The following TNFRSF8 variants were observed in gnomAD, a reference collection of about 807,000 sequenced individuals.
TNFRSF8 encodes TNF receptor superfamily member 8.
TNFRSF8 carries 26 observed loss-of-function variants against 70.8 expected under a neutral mutation model. The observed-to-expected ratio is 0.37, with a 90% CI of 0.27 to 0.51. TNFRSF8 has a LOEUF of 0.51. TNFRSF8 is among the 20% of genes least tolerant of loss of function. TNFRSF8 has a pLI of 0.94. For missense variants in TNFRSF8, 720 were observed against 807.9 expected, an observed-to-expected ratio of 0.89 and a Z score of 1.32; for synonymous variants, 356 against 339.2, an observed-to-expected ratio of 1.05 and a Z score of -0.54.
At position 12,068,468 on chromosome 1, in the gene TNFRSF8, G is replaced by T. The variant is rs1029284862; in HGVS notation, c.63+4807G>T. 2.0e-5 allele frequency among the ~76,000 whole-genome samples: 3 copies of T among 152,054 alleles called. No individual in the cohort carries two copies. In the East Asian group the frequency reaches 5.8e-4, roughly 29 times the overall value. ...AGAATGTCAAAAAAAGGCAGCTCTC[G>T]GCCATACCAGTTCTCCACTTCTCTC... is the stretch of plus-strand genomic sequence containing the variant. On this transcript the variant is annotated intron_variant, in intron 1 of 14. Coordinates refer to ENST00000263932, the MANE Select transcript of TNFRSF8 (RefSeq NM_001243.5).
At chr1:12,066,964 T>C (rs1275365952) in intron 1 of TNFRSF8, among the ~76,000 whole-genome samples, 3 of 152,154 alleles carry the variant, frequency 2.0e-5, no homozygotes, top group Non-Finnish European at 4.4e-5. Context: ...GAAGTTCTTT[T>C]TTCATCTCTA....
At chr1:12,089,266 C>T (rs1190532174) in intron 2 of TNFRSF8, among the ~76,000 whole-genome samples, 1 of 152,134 alleles carries the variant, frequency 6.6e-6, no homozygotes, top group Non-Finnish European at 1.5e-5. Context: ...GCAGGATCCC[C>T]AGCCCTGACC....
At chr1:12,126,156 C>T (rs368598028) in intron 11 of TNFRSF8, 27 bp from the exon 12 acceptor site, 2 of 1,614,126 alleles carry the variant, frequency 1.2e-6, no homozygotes, top group African/African-American at 2.7e-5. Flanking sequence ...GCCGCCACCC[C>T]CAGCCTTCCT....
At chr1:12,124,680 G>A (rs763199470) in intron 10 of TNFRSF8, among the ~76,000 whole-genome samples, 2 of 152,102 alleles carry the variant, frequency 1.3e-5, no homozygotes, top group Non-Finnish European at 2.9e-5. Flanking sequence ...AAATTAGCCA[G>A]GCGTGGTGGC....
chr1:12,116,914 A>G (rs1641741993), intron 8 of TNFRSF8, among the ~76,000 whole-genome samples: 1 of 152,136 alleles, frequency 6.6e-6, no homozygotes, highest in Non-Finnish European at 1.5e-5. Flanking sequence ...TGGGCTTGGA[A>G]GAGGCAGGCA....
chr1:12,084,586 G>A (rs11569820), intron 2 of TNFRSF8, 35 bp downstream of exon 2: 58,214 of 1,585,152 alleles, frequency 0.037, 1,240 homozygotes, highest in Non-Finnish European at 0.043. Flanking sequence ...GAGAAGGGGG[G>A]AAATTTGTCC....
At chr1:12,123,926 A>G in intron 10 of TNFRSF8, 99 bp downstream of exon 10, 4 of 1,070,934 alleles carry the variant, frequency 3.7e-6, no homozygotes, top group African/African-American at 1.6e-5. Context: ...CTTTGTGGGT[A>G]TGGTCTGAGA....
chr1:12,070,763 G>A (rs1457053892), intron 1 of TNFRSF8, among the ~76,000 whole-genome samples: 1 of 152,194 alleles, frequency 6.6e-6, no homozygotes, highest in Non-Finnish European at 1.5e-5. Flanking sequence ...TTTGGGATGT[G>A]GGAAAAAACA....
intron 2 of TNFRSF8, among the ~76,000 whole-genome samples, 156 bp from the exon 3 acceptor site, chr1:12,096,945 C>T (rs1244898941): frequency 1.3e-5 from 2 of 152,222 alleles, no homozygotes; most frequent in Non-Finnish European, 1.5e-5. Context: ...TCCTGGGTGT[C>T]AGTGCTTCCA....
chr1:12,068,296 G>T (rs1052372476), intron 1 of TNFRSF8, among the ~76,000 whole-genome samples: 1 of 152,132 alleles, frequency 6.6e-6, no homozygotes, highest in Admixed American at 6.5e-5. Flanking sequence ...TTGTCCAGCC[G>T]GTGCACTGAC....
intron 1 of TNFRSF8, chr1:12,080,238 C>T (rs1284022264): frequency 1.9e-6 from 1 of 517,010 alleles, no homozygotes; most frequent in Non-Finnish European, 3.8e-6. Context: ...CATGAGCCAC[C>T]GTGCCCAGCC....
chr1:12,115,748 A>G lies in TNFRSF8; in HGVS notation c.946+19A>G. On this transcript the variant is annotated intron_variant, in intron 8 of 14. Transcript: ENST00000263932. ...CCCCAGGGTAAGCAGTTCCCACCCC[A>G]GGCCTCGACCACAGGGTGGAGTCTG... 1 of 1,611,636 alleles carries G rather than the reference A, an allele frequency of 6.2e-7. No individual in the cohort carries two copies. Among genetic ancestry groups the G allele is most frequent in the Non-Finnish European group, 8.5e-7 (1 of 1,178,142 alleles).
chr1:12,092,690 A>G (rs1364624823), intron 2 of TNFRSF8, among the ~76,000 whole-genome samples: 2 of 151,148 alleles, frequency 1.3e-5, no homozygotes, highest in African/African-American at 2.4e-5. Context: ...TTGTATTTTT[A>G]GGAGAGACAG....
chr1:12,069,196 T>TG lies in TNFRSF8; in HGVS notation c.63+5535_63+5536insG, dbSNP rs1557571169. On this transcript the variant is annotated intron_variant, in intron 1 of 14. Transcript: ENST00000263932. ...TTTTTTTTTTTTTTTTTTTTTTTTT[T>TG]TGATGGAGTTTCGCTCTTGTTGCCC... Among the ~76,000 whole-genome samples the TG allele has an allele frequency of 1.9e-3, 174 of 89,762 alleles. 1 individual carries two copies. Among genetic ancestry groups the TG allele is most frequent in the African/African-American group, 7.9e-3 (161 of 20,470 alleles). 58.9% of individuals were successfully genotyped at this position (89,762 alleles called of 152,430 possible).
At chr1:12,089,690 A>T (rs1055059680) in intron 2 of TNFRSF8, among the ~76,000 whole-genome samples, 2 of 152,178 alleles carry the variant, frequency 1.3e-5, no homozygotes, top group Admixed American at 1.3e-4. Flanking sequence ...AGGGGAGGTG[A>T]CATGCTTATA....
chr1:12,134,548 G>T (rs955507412), intron 12 of TNFRSF8, among the ~76,000 whole-genome samples: 3 of 152,186 alleles, frequency 2.0e-5, no homozygotes, highest in African/African-American at 7.2e-5. Flanking sequence ...GAAGATAGAG[G>T]TTGTGCGTTG....
intron 1 of TNFRSF8, among the ~76,000 whole-genome samples, chr1:12,080,975 T>G (rs1641053863): frequency 6.6e-6 from 1 of 152,220 alleles, no homozygotes; most frequent in Non-Finnish European, 1.5e-5. Flanking sequence ...CTTGGGCAAG[T>G]GGCTACACCT....
chr1:12,077,868 G>GTT (rs5772483), intron 1 of TNFRSF8: 3 of 146,768 alleles, frequency 2.0e-5, no homozygotes, highest in African/African-American at 2.5e-5. Context: ...TAAGACTTTG[G>GTT]TTTTTTTTTT....
At chr1:12,127,812 C>T (rs1261492634) in intron 12 of TNFRSF8, among the ~76,000 whole-genome samples, 1 of 151,900 alleles carries the variant, frequency 6.6e-6, no homozygotes, top group African/African-American at 2.4e-5. Flanking sequence ...TTTTTTTCTT[C>T]AAACCTCTGT....
Sources: gnomAD v4.1 joint callset for allele counts (sites outside exome capture counted in the v4.1 genomes callset) on GRCh38, gnomAD v4.1.1 for gene constraint, MANE v1.5 for transcripts, NCBI Gene and HGNC (gene_info 2026-07-23, HGNC 2026-07-21) for gene names.